The following CCSER1 variants were observed in gnomAD, a reference collection of about 807,000 sequenced individuals.
The protein encoded by CCSER1 is serine-rich coiled-coil domain-containing protein 1.
Under a neutral mutation model 82.0 loss-of-function variants are expected in CCSER1, and 41 were observed. The ratio of observed to expected loss-of-function variants is 0.50; its 90% CI spans 0.39 to 0.65. The LOEUF is 0.65. CCSER1 is among the 30% of genes least tolerant of loss of function. The pLI is 0.00. For synonymous variants in CCSER1, 414 were observed against 383.9 expected (o/e 1.08, Z -0.92); for missense variants, 1,119 against 1,064.2 (o/e 1.05, Z -0.72).
intron 5 of CCSER1, among the ~76,000 whole-genome samples, chr4:90,555,415 T>C (rs566091701): frequency 2.0e-5 from 3 of 152,132 alleles, no homozygotes; most frequent in Non-Finnish European, 4.4e-5. Context: ...AATATCTAAA[T>C]ATAATAAAAA....
chr4:91,530,645 GA>G (rs1004262064), intron 10 of CCSER1, among the ~76,000 whole-genome samples: 15 of 147,414 alleles, frequency 1.0e-4, no homozygotes, highest in South Asian at 2.1e-4. Context: ...TATTTATGCT[GA>G]AAAAAAAATT....
chr4:90,852,587 A>G (rs2149938940), intron 8 of CCSER1, among the ~76,000 whole-genome samples: 1 of 152,332 alleles, frequency 6.6e-6, no homozygotes, highest in East Asian at 1.9e-4. Flanking sequence ...ACTAGGAAAG[A>G]AAACCTTCAT....
chr4:91,015,327 A>G (rs1739334158), intron 9 of CCSER1: 1 of 152,060 alleles, frequency 6.6e-6, no homozygotes. Context: ...CTTTTCAAAT[A>G]TTCATTTTTT....
chr4:90,491,912 G>T (rs565521996), intron 5 of CCSER1, among the ~76,000 whole-genome samples: 5 of 152,074 alleles, frequency 3.3e-5, no homozygotes, highest in African/African-American at 1.2e-4. Flanking sequence ...TGCTGGATTT[G>T]GTTTGCCAGT....
In CCSER1 at chr4:91,425,217, G is replaced by A. The variant is rs151081600; in HGVS notation, c.2218-173355G>A. ...TGTTTGGGTGAACATCTTTTACCTC[G>A]TATTTTCATTTTTGCTCAATTTTAG... is the stretch of plus-strand genomic sequence containing the variant. On this transcript the variant is annotated intron_variant, in intron 10 of 10. Transcript: ENST00000509176. Among the ~76,000 whole-genome samples, 77 of 152,092 alleles carry A rather than the reference G, an allele frequency of 5.1e-4. 1 individual carries two copies. Among genetic ancestry groups the A allele is most frequent in the Admixed American group, 4.6e-3 (70 of 15,262 alleles).
intron 5 of CCSER1, among the ~76,000 whole-genome samples, chr4:90,590,542 T>C (rs1257564370): frequency 1.3e-5 from 2 of 151,580 alleles, no homozygotes; most frequent in African/African-American, 4.9e-5. Context: ...ATCGCGCTAT[T>C]GCACACCATC....
At chr4:91,312,156 G>C (rs976782091) in intron 10 of CCSER1, among the ~76,000 whole-genome samples, 1 of 151,736 alleles carries the variant, frequency 6.6e-6, no homozygotes, top group African/African-American at 2.4e-5. Context: ...TGCACAGTAA[G>C]TCATCTCTAA....
At chr4:90,213,327 A>G (rs1685144402) in intron 1 of CCSER1, among the ~76,000 whole-genome samples, 1 of 152,116 alleles carries the variant, frequency 6.6e-6, no homozygotes, top group African/African-American at 2.4e-5. Context: ...TTGTGAGATG[A>G]GCAAGTATTT....
chr4:90,312,130 T>A (rs1440954799), intron 2 of CCSER1, among the ~76,000 whole-genome samples: 1 of 152,164 alleles, frequency 6.6e-6, no homozygotes, highest in East Asian at 1.9e-4. Context: ...AAATAATAAG[T>A]CATACAGATA....
At chr4:91,533,317 A>T (rs1761128790) in intron 10 of CCSER1, among the ~76,000 whole-genome samples, 1 of 152,178 alleles carries the variant, frequency 6.6e-6, no homozygotes, top group Non-Finnish European at 1.5e-5. Flanking sequence ...CTAGACTCTC[A>T]AACTCTACAA....
intron 3 of CCSER1, among the ~76,000 whole-genome samples, chr4:90,394,726 C>T (rs1485049069): frequency 2.6e-5 from 4 of 151,876 alleles, no homozygotes; most frequent in Non-Finnish European, 5.9e-5. Context: ...ATGCTTTAAC[C>T]ACTTTAATGT....
intron 10 of CCSER1, among the ~76,000 whole-genome samples, chr4:91,411,470 C>T (rs1179443520): frequency 2.2e-5 from 2 of 92,342 alleles, no homozygotes; most frequent in Non-Finnish European, 4.2e-5. Context: ...AGTAATTAAT[C>T]ACTAAATTTC....
intron 1 of CCSER1, among the ~76,000 whole-genome samples, chr4:90,269,687 C>A (rs1480536612): frequency 1.3e-5 from 2 of 148,878 alleles, no homozygotes; most frequent in South Asian, 2.1e-4. Context: ...AATATTAGAG[C>A]AGAAATAAAT....
chr4:91,405,762 A>G (rs116170730), intron 10 of CCSER1, among the ~76,000 whole-genome samples: 270 of 152,268 alleles, frequency 1.8e-3, no homozygotes, highest in Non-Finnish European at 2.8e-3. Context: ...CGAATTTTCC[A>G]GGTACCATCT....
chr4:91,304,182 A>G (rs35884066), intron 10 of CCSER1, among the ~76,000 whole-genome samples: 1 of 151,908 alleles, frequency 6.6e-6, no homozygotes, highest in Non-Finnish European at 1.5e-5. Context: ...ATTGATGGCA[A>G]CTCTCTGGAA....
chr4:90,810,986 C>T (rs911663652), intron 7 of CCSER1, among the ~76,000 whole-genome samples: 5 of 151,794 alleles, frequency 3.3e-5, no homozygotes, highest in African/African-American at 1.2e-4. Flanking sequence ...GTGCCCACCA[C>T]CGCGCCCAAC....
Position 90,734,282 on chromosome 4 carries a change from C to T in CCSER1, c.2010+10291C>T, listed in dbSNP as rs898298051. Among the ~76,000 whole-genome samples the T allele has an allele frequency of 9.2e-5, 14 of 151,950 alleles. 1 individual carries two copies. The East Asian group carries it at 1.4e-3, about 15-fold the overall frequency. ...CTGGGACTACAGGCTCCCACCACCA[C>T]GCCCGGCTAATTTTTTGTATTTTTA... On this transcript the variant is annotated intron_variant, in intron 7 of 10. Coordinates refer to ENST00000509176, the MANE Select transcript of CCSER1 (RefSeq NM_001145065.2).
chr4:90,342,969 T>TCCTCCAGATATTGATTC (rs1189305535), intron 3 of CCSER1, among the ~76,000 whole-genome samples: 3 of 152,192 alleles, frequency 2.0e-5, no homozygotes, highest in African/African-American at 7.2e-5. Flanking sequence ...GGTATTGATG[T>TCCTCCAGATATTGATTC]CCTCCAGATA....
chr4:90,136,872 G>A (rs1008983581), intron 1 of CCSER1, among the ~76,000 whole-genome samples: 1 of 152,096 alleles, frequency 6.6e-6, no homozygotes. Flanking sequence ...GAGAAGTTAG[G>A]AAAAGGAGGA....
Sources: allele counts gnomAD v4.1 joint callset (sites outside exome capture counted in the v4.1 genomes callset), GRCh38; gene constraint gnomAD v4.1.1; transcripts MANE v1.5; gene names NCBI Gene and HGNC (gene_info 2026-07-23, HGNC 2026-07-21).